The following RPS9 variants were observed in gnomAD, a reference collection of about 807,000 sequenced individuals.
RPS9 encodes small ribosomal subunit protein uS4.
RPS9 carries 1 observed loss-of-function variant against 16.9 expected under a neutral mutation model. The observed-to-expected ratio is 0.06, with a 90% CI of 0.02 to 0.28. The LOEUF (loss-of-function observed/expected upper bound fraction) is 0.28, where lower values mean the gene tolerates loss of function less well. Among genes scored for constraint, RPS9 ranks in the 10% least tolerant of loss-of-function variants. The probability of loss-of-function intolerance (pLI) is 1.00; values close to 1 mark genes in which losing one functional copy is unlikely to be tolerated. For missense variants in RPS9, 137 were observed against 273.2 expected (o/e 0.50, Z 3.51); for synonymous variants, 106 against 110.9 (o/e 0.96, Z 0.28).
intron 3 of RPS9, chr19:54,202,500 G>C (rs996787349): frequency 1.0e-6 from 1 of 983,578 alleles, no homozygotes; most frequent in Non-Finnish European, 1.2e-6. Context: ...AGCATTTCAG[G>C]TGATGACTTT....
Position 54,201,132 on chromosome 19 carries a change from C to G in RPS9, c.-25-28C>G, listed in dbSNP as rs566447921. On this transcript the variant is annotated intron_variant, in intron 1 of 4. Coordinates refer to ENST00000302907, the MANE Select transcript of RPS9 (RefSeq NM_001013.4). ...GACTGCGCAGGCGCCGTTTGGATCC[C>G]TTACGCTCACACTTCTCTCCCGCGC... is the stretch of plus-strand genomic sequence containing the variant. 1.7e-4 allele frequency: 272 copies of G among 1,611,734 alleles called. 1 individual carries two copies. In the South Asian group the frequency reaches 2.1e-3, roughly 12 times the overall value.
Position 54,202,623 on chromosome 19 carries a change from A to T in RPS9, c.220+1014A>T, listed in dbSNP as rs58107192. On this transcript the variant is annotated intron_variant, in intron 3 of 4. Coordinates refer to ENST00000302907, the MANE Select transcript of RPS9 (RefSeq NM_001013.4). The stretch of plus-strand genomic sequence containing the variant: ...ATCTTGTTTTAAAATCTACTCTGAG[A>T]TGCGGTGTTATTGGAGTGCTTTCTA... 3.6e-3 allele frequency: 3,522 copies of T among 985,396 alleles called. 85 individuals are homozygous for T. The African/African-American group carries it at 0.057, about 16-fold the overall frequency. 61.0% of individuals were successfully genotyped at this position (985,396 alleles called of 1,614,324 possible).
At chr19:54,203,118 G>T (rs1437290052) in intron 3 of RPS9, 7 of 976,020 alleles carry the variant, frequency 7.2e-6, no homozygotes, top group Non-Finnish European at 8.5e-6. Context: ...TGGGGAGTGG[G>T]CTATAGCTGG....
intron 3 of RPS9, 92 bp from the exon 4 acceptor site, chr19:54,206,184 G>A (rs531420458): frequency 4.7e-5 from 61 of 1,306,796 alleles, no homozygotes; most frequent in African/African-American, 4.0e-4. Context: ...TCACCGCCGC[G>A]GCATGGAGCT....
intron 3 of RPS9, chr19:54,201,844 C>T (rs1477122554): frequency 9.6e-6 from 8 of 833,790 alleles, no homozygotes; most frequent in South Asian, 6.0e-5. Context: ...TAGTAATGAC[C>T]AGAGCTAAAG....
chr19:54,207,064 C>CT, intron 4 of RPS9: 1 of 451,846 alleles, frequency 2.2e-6, no homozygotes, highest in Non-Finnish European at 4.0e-6. Context: ...GGTAATACAG[C>CT]TCAGTGTCAG....
intron 3 of RPS9, chr19:54,202,593 T>TA: frequency 1.0e-6 from 1 of 985,220 alleles, no homozygotes; most frequent in Non-Finnish European, 1.2e-6. Flanking sequence ...TGTACCATCT[T>TA]AACCATCTTG....
intron 3 of RPS9, chr19:54,202,928 C>G: frequency 1.0e-6 from 1 of 974,338 alleles, no homozygotes; most frequent in Non-Finnish European, 1.2e-6. Flanking sequence ...CAACTCCTAA[C>G]CTCAAGTGAT....
intron 3 of RPS9, 30 bp from the exon 4 acceptor site, chr19:54,206,246 G>A (rs751699598): frequency 3.7e-6 from 6 of 1,604,254 alleles, no homozygotes; most frequent in African/African-American, 2.7e-5. Flanking sequence ...GTCAGAAGGC[G>A]GAATCAGTGT....
At chr19:54,201,039 A>AT in intron 1 of RPS9, 121 bp from the exon 2 acceptor site, 1 of 1,480,360 alleles carries the variant, frequency 6.8e-7, no homozygotes, top group Non-Finnish European at 9.0e-7. Flanking sequence ...GATACTGACT[A>AT]TGAGAGCGTT....
intron 3 of RPS9, among the ~76,000 whole-genome samples, chr19:54,204,786 C>G (rs1043339444): frequency 4.2e-4 from 64 of 152,126 alleles, no homozygotes; most frequent in Non-Finnish European, 8.7e-4. Flanking sequence ...TGGTCCCAAA[C>G]TCATTTTCAT....
chr19:54,205,377 C>CA lies in RPS9; in HGVS notation c.221-898dup, dbSNP rs1183393646. ...TAGGGCATCTGTTGGATATTTTATG[C>CA]AGTGCATTGTTAGGTTATATACATA... On this transcript the variant is annotated intron_variant, in intron 3 of 4. Transcript: ENST00000302907. Among the ~76,000 whole-genome samples, 5 of 151,422 alleles carry CA rather than the reference C, an allele frequency of 3.3e-5. No individual in the cohort carries two copies. In the East Asian group the frequency reaches 9.7e-4, roughly 29 times the overall value.
intron 3 of RPS9, chr19:54,202,898 G>T (rs2077109252): frequency 1.0e-6 from 1 of 983,452 alleles, no homozygotes; most frequent in Non-Finnish European, 1.2e-6. Context: ...GGATCTTGCA[G>T]TGTTGACCAG....
chr19:54,206,830 C>G (rs2077257674), intron 4 of RPS9: 18 of 1,004,204 alleles, frequency 1.8e-5, no homozygotes, highest in Non-Finnish European at 2.4e-5. Context: ...ATTCCAGACC[C>G]CGATCCATGA....
intron 3 of RPS9, 137 bp from the exon 4 acceptor site, chr19:54,206,134 GTGACA>G: frequency 1.3e-6 from 1 of 789,912 alleles, no homozygotes; most frequent in South Asian, 1.8e-5. Context: ...GGTTTTGACA[GTGACA>G]TGGGTCACGG....
rs943105314 is a variant in RPS9 at position 54,200,883 on chromosome 19, G to A, written c.-31G>A. ...CTCTTTCTCAGTGACCGGGTGGTTT[G>A]CTTAGGTGAGGTGCGGTGGTGTGCT... On this transcript the variant is annotated 5_prime_UTR_variant, in exon 1 of 5. Transcript: ENST00000302907. 264 of 1,144,260 alleles carry A rather than the reference G, an allele frequency of 2.3e-4. No individual in the cohort carries two copies. The highest frequency in any genetic ancestry group is 4.0e-4 in the Middle Eastern group (1 of 2,492). The allele number at this position is 1,144,260 out of a possible 1,614,324, so 70.9% of individuals were successfully genotyped here. A position where few individuals can be genotyped will look rare whatever the true frequency, so the allele number is the denominator to read the frequency against.
Position 54,206,178 on chromosome 19 carries a change from C to G in RPS9, c.221-98C>G, listed in dbSNP as rs372271267. 8 of 1,241,232 alleles carry G rather than the reference C, an allele frequency of 6.4e-6. No individual in the cohort carries two copies. In the East Asian group the frequency reaches 9.9e-5, roughly 15 times the overall value. The allele number at this position is 1,241,232 out of a possible 1,614,324, so 76.9% of individuals were successfully genotyped here. ...TGGCGCTGTACTACTTGTGCCTCAC[C>G]GCCGCGGCATGGAGCTACCAAGAGG... On this transcript the variant is annotated intron_variant, in intron 3 of 4. Coordinates refer to ENST00000302907, the MANE Select transcript of RPS9 (RefSeq NM_001013.4).
chr19:54,201,551 C>T lies in RPS9; in HGVS notation c.162C>T (p.Arg54=), dbSNP rs1022502269. The T allele has an allele frequency of 6.2e-7, 1 of 1,614,136 alleles. No homozygotes were observed. The stretch of plus-strand genomic sequence containing the variant: ...TCAAATTTACCCTGGCCAAGATCCG[C>T]AAGGCCGCCCGGGAACTGCTGACGC... ...WRVKFTLAKI[R]KAARELLTLD... Residue 54 remains arginine (R), a synonymous_variant, in exon 3 of 5, where the codon CGC becomes CGT. Coordinates refer to ENST00000302907, the MANE Select transcript of RPS9 (RefSeq NM_001013.4).
chr19:54,207,003 G>T, intron 4 of RPS9: 1 of 430,538 alleles, frequency 2.3e-6, no homozygotes, highest in African/African-American at 2.0e-5. Context: ...TGCTTTCGTC[G>T]GAGACGTAGC....
Sources: allele counts gnomAD v4.1 joint callset (sites outside exome capture counted in the v4.1 genomes callset), GRCh38; gene constraint gnomAD v4.1.1; transcripts MANE v1.5; gene names NCBI Gene and HGNC (gene_info 2026-07-23, HGNC 2026-07-21).